The following TENM4 variants were observed in gnomAD, a reference collection of about 807,000 sequenced individuals.
TENM4 encodes teneurin transmembrane protein 4, also known as teneurin-4.
In TENM4, 82 loss-of-function variants were observed where a neutral mutation model predicts 243.3. That is an observed-to-expected ratio of 0.34 (90% CI 0.28 to 0.40). The LOEUF (loss-of-function observed/expected upper bound fraction) is 0.40. Ranked by LOEUF, TENM4 falls within the 10% of genes least tolerant of loss-of-function variation. The probability of loss-of-function intolerance (pLI) is 1.00; values close to 1 mark genes in which losing one functional copy is unlikely to be tolerated. For synonymous variants in TENM4, 1,412 were observed against 1,456.3 expected (o/e 0.97, Z 0.69); for missense variants, 3,138 against 3,673.3 (o/e 0.85, Z 3.77).
At position 78,766,120 on chromosome 11, in the gene TENM4, C is replaced by G. The variant is rs1856535025; in HGVS notation, c.2539+4872G>C. On this transcript the variant is annotated intron_variant, in intron 18 of 33. Coordinates refer to ENST00000278550, the MANE Select transcript of TENM4 (RefSeq NM_001098816.3). ...GATATCTGTAGTTGATAAACTAAGT[C>G]TTAGAGAAGTTAAGTACATCACTCA... 1.3e-5 allele frequency among the ~76,000 whole-genome samples: 2 copies of G among 152,126 alleles called. 1 individual carries two copies. Among genetic ancestry groups the G allele is most frequent in the South Asian group, 4.2e-4 (2 of 4,816 alleles).
chr11:78,900,501 A>T lies in TENM4; in HGVS notation c.749+2767T>A, dbSNP rs373509670. Among the ~76,000 whole-genome samples, 15 of 152,314 alleles carry T rather than the reference A, an allele frequency of 9.8e-5. No individual in the cohort carries two copies. The South Asian group carries it at 2.9e-3, about 29-fold the overall frequency. ...GTAGGAGCTCAAGAAACTCTTTTTGAATGACATTTTTATCCACAGGGTGGA... is the reference window on the plus strand; with the variant it reads ...GTAGGAGCTCAAGAAACTCTTTTTGTATGACATTTTTATCCACAGGGTGGA... On this transcript the variant is annotated intron_variant, in intron 7 of 33. Transcript: ENST00000278550.
rs1442400970 is a variant in TENM4, at chr11:78,903,372, G to C, written c.645C>G (p.Pro215=). Residue 215 remains proline, a synonymous_variant, in exon 7 of 34, where the codon CCC becomes CCG. Transcript: ENST00000278550. Reference sequence around the variant, plus strand: ...GCTCTCCGGAGAGCGAGTGGTCCGTGGGGGCCGGGCTGGGGTTGCTCCTCG... The same window carrying C: ...GCTCTCCGGAGAGCGAGTGGTCCGTCGGGGCCGGGCTGGGGTTGCTCCTCG... ...FTPRSNPSPA[P]TDHSLSGEPP... The C allele has an allele frequency of 4.0e-6, 6 of 1,517,142 alleles. No homozygotes were observed. Among genetic ancestry groups the C allele is most frequent in the South Asian group, 1.2e-5 (1 of 80,250 alleles). 94.0% of individuals were successfully genotyped at this position (1,517,142 alleles called of 1,614,324 possible).
chr11:79,061,059 T>A (rs964830396), intron 6 of TENM4, among the ~76,000 whole-genome samples: 1 of 152,102 alleles, frequency 6.6e-6, no homozygotes, highest in Non-Finnish European at 1.5e-5. Flanking sequence ...GAACCAAGAC[T>A]TTTGTCATAG....
At chr11:78,910,124 A>G (rs913277237) in intron 6 of TENM4, among the ~76,000 whole-genome samples, 11 of 152,162 alleles carry the variant, frequency 7.2e-5, no homozygotes. Flanking sequence ...AATCATGTCA[A>G]TAGCCCTGTG....
intron 1 of TENM4, among the ~76,000 whole-genome samples, chr11:79,307,587 G>A (rs1050301883): frequency 2.0e-5 from 3 of 152,014 alleles, no homozygotes; most frequent in African/African-American, 7.2e-5. Context: ...CCCTGCACTC[G>A]TCCTCATAGA....
intron 3 of TENM4, among the ~76,000 whole-genome samples, chr11:79,188,488 T>C (rs985074418): frequency 2.7e-5 from 4 of 149,222 alleles, no homozygotes; most frequent in African/African-American, 7.5e-5. Context: ...GAGGAGATGA[T>C]GGAGGTGAGG....
intron 1 of TENM4, among the ~76,000 whole-genome samples, chr11:79,360,230 A>T (rs570157505): frequency 6.6e-6 from 1 of 152,190 alleles, no homozygotes; most frequent in South Asian, 2.1e-4. Flanking sequence ...CCAGTTTCTC[A>T]TACTGGGCTG....
intron 16 of TENM4, 36 bp downstream of exon 16, chr11:78,786,862 C>A (rs752573863): frequency 1.3e-6 from 2 of 1,575,190 alleles, no homozygotes; most frequent in Non-Finnish European, 1.7e-6. Context: ...GTCCTGCAGA[C>A]CAGAGAAGGT....
intron 1 of TENM4, among the ~76,000 whole-genome samples, chr11:79,424,198 T>C (rs1859000156): frequency 6.6e-6 from 1 of 152,186 alleles, no homozygotes; most frequent in Admixed American, 6.5e-5. Context: ...TTTTTGGTTG[T>C]CACAATTGGC....
At position 79,425,138 on chromosome 11, in the gene TENM4, C is replaced by G. The variant is rs568659645; in HGVS notation, c.-321+15371G>C. ...GAATCACATCTACTCCAGAGCCCAG[C>G]TCACTCCGCAGGCCCTTACTGATTG... On this transcript the variant is annotated intron_variant, in intron 1 of 33. Transcript: ENST00000278550. 6.0e-4 allele frequency among the ~76,000 whole-genome samples: 92 copies of G among 152,278 alleles called. 3 individuals carry two copies. The South Asian group carries it at 0.019, about 31-fold the overall frequency.
chr11:78,912,938 C>G (rs1042899122), intron 6 of TENM4, among the ~76,000 whole-genome samples: 3 of 152,210 alleles, frequency 2.0e-5, no homozygotes, highest in African/African-American at 7.2e-5. Flanking sequence ...TCCCAATCAG[C>G]GGCTAATTTG....
At chr11:79,183,597 A>G (rs1330367388) in intron 3 of TENM4, among the ~76,000 whole-genome samples, 1 of 152,208 alleles carries the variant, frequency 6.6e-6, no homozygotes, top group African/African-American at 2.4e-5. Context: ...TAACAAATGT[A>G]CCACTCTGGT....
At chr11:79,119,964 T>A (rs1236628751) in intron 4 of TENM4, among the ~76,000 whole-genome samples, 1 of 152,204 alleles carries the variant, frequency 6.6e-6, no homozygotes, top group African/African-American at 2.4e-5. Context: ...CATATTCCGT[T>A]GGCACCAGGC....
chr11:78,908,413 TTAC>T (rs1390591536), intron 6 of TENM4, among the ~76,000 whole-genome samples: 1 of 152,214 alleles, frequency 6.6e-6, no homozygotes, highest in Non-Finnish European at 1.5e-5. Flanking sequence ...AATTCCACAA[TTAC>T]AATAAAGTCA....
intron 6 of TENM4, among the ~76,000 whole-genome samples, chr11:79,038,207 C>T (rs975608841): frequency 6.6e-6 from 1 of 152,192 alleles, no homozygotes; most frequent in Non-Finnish European, 1.5e-5. Context: ...TGAATGGATA[C>T]ATGGATGAGA....
At chr11:79,195,680 AC>A (rs1863612909) in intron 3 of TENM4, among the ~76,000 whole-genome samples, 1 of 152,152 alleles carries the variant, frequency 6.6e-6, no homozygotes, top group Non-Finnish European at 1.5e-5. Context: ...CTAGGAAGTA[AC>A]TAGCTTGCTT....
At chr11:78,880,488 A>AAAAAG (rs1368857006) in intron 9 of TENM4, among the ~76,000 whole-genome samples, 18 of 113,010 alleles carry the variant, frequency 1.6e-4, no homozygotes, top group African/African-American at 5.9e-4. Flanking sequence ...AAAAAAAAAA[A>AAAAAG]AGAAAGAAAA....
intron 17 of TENM4, among the ~76,000 whole-genome samples, chr11:78,778,294 G>A (rs1447242519): frequency 7.0e-6 from 1 of 142,274 alleles, no homozygotes; most frequent in Non-Finnish European, 1.5e-5. Context: ...CATGAGATGG[G>A]GTGGAAAGAG....
At chr11:79,297,848 C>T (rs1162399611) in intron 1 of TENM4, among the ~76,000 whole-genome samples, 1 of 151,474 alleles carries the variant, frequency 6.6e-6, no homozygotes, top group African/African-American at 2.4e-5. Flanking sequence ...TATAAAAGAC[C>T]ATTAAAAATA....
Sources: gnomAD v4.1 joint callset for allele counts (sites outside exome capture counted in the v4.1 genomes callset) on GRCh38, gnomAD v4.1.1 for gene constraint, MANE v1.5 for transcripts, NCBI Gene and HGNC (gene_info 2026-07-23, HGNC 2026-07-21) for gene names.